The following GLRX2 variants were observed in gnomAD, a reference collection of about 807,000 sequenced individuals.
GLRX2 encodes bA101E13.1 (GRX2 glutaredoxin (thioltransferase) 2).
In GLRX2, 12 loss-of-function variants were observed where a neutral mutation model predicts 16.4. That is an observed-to-expected ratio of 0.73 (90% confidence interval 0.47 to 1.19). The LOEUF is 1.19. GLRX2 is among the 50% of genes most tolerant of loss of function. The pLI is 0.00. For synonymous variants in GLRX2, 95 were observed against 76.2 expected (o/e 1.25, Z -1.28); for missense variants, 201 against 201.8 (o/e 1.00, Z 0.02).
intron 1 of GLRX2, among the ~76,000 whole-genome samples, chr1:193,104,551 G>T (rs1292266271): frequency 6.6e-6 from 1 of 152,208 alleles, no homozygotes; most frequent in Non-Finnish European, 1.5e-5. Flanking sequence ...AGTAGATAGC[G>T]AGACAGACTC....
chr1:193,105,876 G>C, upstream of GLRX2: 2 of 1,180,320 alleles, frequency 1.7e-6, no homozygotes, highest in Non-Finnish European at 2.1e-6. Flanking sequence ...GCAATTGGTC[G>C]AGACCCAATG....
chr1:193,105,102 C>G, intron 1 of GLRX2, 162 bp downstream of exon 1: 2 of 754,242 alleles, frequency 2.7e-6, no homozygotes, highest in Non-Finnish European at 3.2e-6. Flanking sequence ...CTTCCCTGCC[C>G]ATCCCTCGAG....
At chr1:193,102,556 T>A (rs1675101085) in intron 1 of GLRX2, among the ~76,000 whole-genome samples, 1 of 152,202 alleles carries the variant, frequency 6.6e-6, no homozygotes, top group Non-Finnish European at 1.5e-5. Context: ...TTTCACCATG[T>A]TGACCATGCT....
upstream of GLRX2, chr1:193,105,937 G>T: frequency 1.9e-6 from 2 of 1,042,686 alleles, no homozygotes; most frequent in Non-Finnish European, 2.3e-6. Context: ...GAAAAAATCC[G>T]GTGTTGAAGG....
At position 193,096,689 on chromosome 1, in the gene GLRX2, C is replaced by T; in HGVS notation, c.431G>A (p.Gly144Glu). Residue 144 changes from glycine to glutamate, a missense_variant, in exon 4 of 4, where the codon GGA (glycine) becomes GAA (glutamate). Transcript: ENST00000367439. ...ATDTHRLHKE[G>E]KLLPLVHQCY... The stretch of plus-strand genomic sequence containing the variant: ...CTGATGAACTAGTGGGAGCAATTTT[C>T]CTTCTTTGTGAAGCCTATGAGTGTC... The T allele has an allele frequency of 6.2e-7, 1 of 1,606,248 alleles. No individual in the cohort carries two copies. Among genetic ancestry groups the T allele is most frequent in the African/African-American group, 1.3e-5 (1 of 74,872 alleles).
intron 1 of GLRX2, 131 bp downstream of exon 1, chr1:193,105,133 C>G: frequency 1.5e-6 from 2 of 1,346,346 alleles, no homozygotes; most frequent in Non-Finnish European, 1.9e-6. Context: ...TGTTATGACT[C>G]AGAGCCCACG....
At position 193,105,336 on chromosome 1, in the gene GLRX2, C is replaced by T. The variant is rs758544507; in HGVS notation, c.47G>A (p.Ser16Asn). 6.5e-7 allele frequency: 1 copy of T among 1,547,894 alleles called. No individual in the cohort carries two copies. Among genetic ancestry groups the T allele is most frequent in the East Asian group, 2.5e-5 (1 of 40,264 alleles). The change falls in exon 1 of 4, where the codon AGC becomes AAC. Residue 16 changes from serine to asparagine, a missense_variant. Physicochemically the swap from Ser to Asn is conservative, Grantham distance 46. Transcript: ENST00000367439. ...AALAGTRLVW[S>N]RSGSAGWLDR... ...AAGCCAGCCTGCCGAGCCGCTCCTG[C>T]TCCAAACCAGCCGCGTCCCCGCCAG... is the stretch of plus-strand genomic sequence containing the variant.
Position 193,105,391 on chromosome 1 carries a change from C to A in GLRX2, c.-9G>T. 6.5e-7 allele frequency: 1 copy of A among 1,535,346 alleles called. No individual in the cohort carries two copies. The highest frequency in any genetic ancestry group is 8.7e-7 in the Non-Finnish European group (1 of 1,151,428). On this transcript the variant is annotated 5_prime_UTR_variant, in exon 1 of 4. Transcript: ENST00000367439. ...GCGCGGCGCCAAATCATGGTCAGAG[C>A]CCGGATCTGCAGCGAGCTCTACTGC...
intron 1 of GLRX2, 108 bp from the exon 2 acceptor site, chr1:193,101,312 C>A: frequency 1.4e-6 from 1 of 733,494 alleles, no homozygotes; most frequent in Non-Finnish European, 2.3e-6. Flanking sequence ...GCCAAACTTA[C>A]AAAATAGAAA....
chr1:193,104,945 T>A (rs975061963), intron 1 of GLRX2, among the ~76,000 whole-genome samples: 5 of 152,246 alleles, frequency 3.3e-5, no homozygotes, highest in African/African-American at 1.2e-4. Flanking sequence ...TAAGAATCAT[T>A]CGCTCTTTCA....
intron 1 of GLRX2, among the ~76,000 whole-genome samples, chr1:193,103,562 A>G (rs1362136870): frequency 6.6e-6 from 1 of 152,212 alleles, no homozygotes; most frequent in East Asian, 1.9e-4. Context: ...AATAGCATGT[A>G]TAGGGTTCAG....
upstream of GLRX2, chr1:193,105,511 G>A (rs751239359): frequency 1.4e-6 from 2 of 1,472,146 alleles, no homozygotes; most frequent in East Asian, 2.9e-5. Context: ...CGCCGCCGCC[G>A]GTCACCTCCT....
upstream of GLRX2, chr1:193,106,032 A>G (rs1290951602): frequency 1.0e-6 from 1 of 988,982 alleles, no homozygotes; most frequent in East Asian, 1.1e-4. Flanking sequence ...ATTAGCACAG[A>G]GATGTTTCAC....
Position 193,096,664 on chromosome 1 carries a change from C to T in GLRX2, c.456G>A (p.Gln152=). ...KEGKLLPLVH[Q]CYLKKSKRKE... ...TCCTCTTACTTTTTTTTAAATAACA[C>T]TGATGAACTAGTGGGAGCAATTTTC... Residue 152 remains glutamine, a synonymous_variant, in exon 4 of 4, where the codon CAG becomes CAA. Coordinates refer to ENST00000367439, the MANE Select transcript of GLRX2 (RefSeq NM_197962.3). The T allele has an allele frequency of 1.3e-6, 2 of 1,597,302 alleles. No individual in the cohort carries two copies. Among genetic ancestry groups the T allele is most frequent in the Non-Finnish European group, 8.6e-7 (1 of 1,165,566 alleles).
chr1:193,105,030 G>A (rs982332342), intron 1 of GLRX2, among the ~76,000 whole-genome samples: 2 of 152,236 alleles, frequency 1.3e-5, no homozygotes, highest in Non-Finnish European at 2.9e-5. Context: ...GTGAACATGA[G>A]TGAAGTATTT....
At position 193,097,591 on chromosome 1, in the gene GLRX2, T is replaced by C. The variant is rs1674985752; in HGVS notation, c.353A>G (p.Glu118Gly). The C allele has an allele frequency of 1.2e-6, 2 of 1,606,120 alleles. No individual in the cohort carries two copies. The highest frequency in any genetic ancestry group is 2.7e-5 in the African/African-American group (2 of 74,494). The change falls in exon 3 of 4, where the codon GAA (glutamate) becomes GGA (glycine). Residue 118 changes from glutamate (E) to glycine (G), a missense_variant. Physicochemically the swap from Glu to Gly is moderately conservative, Grantham distance 98. Coordinates refer to ENST00000367439, the MANE Select transcript of GLRX2 (RefSeq NM_197962.3). ...CACAGAGGATATACTCACAGTTCTT[T>C]CACCAGTCATTTTGTAAAGAGCATC... ...FQDALYKMTG[E>G]RTVPRIFVNG...
intron 3 of GLRX2, 101 bp downstream of exon 3, chr1:193,097,483 A>C: frequency 1.2e-6 from 1 of 852,476 alleles, no homozygotes; most frequent in Non-Finnish European, 1.7e-6. Context: ...ATCTATCCTC[A>C]GAGAATGTCT....
chr1:193,106,035 T>G, upstream of GLRX2: 1 of 988,134 alleles, frequency 1.0e-6, no homozygotes. Flanking sequence ...AGCACAGAGA[T>G]GTTTCACCAT....
intron 2 of GLRX2, among the ~76,000 whole-genome samples, chr1:193,100,449 G>A (rs1319817121): frequency 6.6e-6 from 1 of 152,164 alleles, no homozygotes; most frequent in Non-Finnish European, 1.5e-5. Context: ...ACTCTGGCCT[G>A]GGCAACAGAG....
Sources: gnomAD v4.1 joint callset for allele counts (sites outside exome capture counted in the v4.1 genomes callset) on GRCh38, gnomAD v4.1.1 for gene constraint, MANE v1.5 for transcripts, NCBI Gene and HGNC (gene_info 2026-07-23, HGNC 2026-07-21) for gene names.